PCDHA10: variants seen among roughly 807,000 people sequenced by gnomAD.
PCDHA10 encodes protocadherin alpha 10.
Under a neutral mutation model 61.2 loss-of-function variants are expected in PCDHA10, and 45 were observed. The ratio of observed to expected loss-of-function variants is 0.74; its 90% CI spans 0.58 to 0.94. PCDHA10 has a LOEUF of 0.94. Among genes scored for constraint, PCDHA10 ranks in the 40% least tolerant of loss-of-function variants. The probability of loss-of-function intolerance (pLI) is 0.00; values close to 1 mark genes in which losing one functional copy is unlikely to be tolerated. For missense variants in PCDHA10, 1,278 were observed against 1,236.2 expected (o/e 1.03, Z -0.51); for synonymous variants, 602 against 548.8 (o/e 1.10, Z -1.35).
Position 140,974,282 on chromosome 5 carries a change from T to C in PCDHA10, c.2389-4667T>C, listed in dbSNP as rs115449410. Among the ~76,000 whole-genome samples, 1,252 of 152,332 alleles carry C rather than the reference T, an allele frequency of 8.2e-3. 23 individuals carry two copies. The highest frequency in any genetic ancestry group is 0.028 in the African/African-American group (1,180 of 41,572). ...TTCTGGCCTTCCAGGGTCAGAACTC[T>C]GGGCTCCAAGGAGGTACAACTGTGA... On this transcript the variant is annotated intron_variant, in intron 1 of 3. Coordinates refer to ENST00000307360, the MANE Select transcript of PCDHA10 (RefSeq NM_018901.4).
At position 140,858,879 on chromosome 5, in the gene PCDHA10, CATGTGTAGAAT is replaced by C. The variant is rs2045639159; in HGVS notation, c.2388+452_2388+462del. On this transcript the variant is annotated intron_variant, in intron 1 of 3. Transcript: ENST00000307360. ...TCTTCAGTGAAAATGTGTTTTCCTC[CATGTGTAGAAT>C]ATGTGTAGCGTACCACAGCTTATAC... 2.9e-5 allele frequency: 7 copies of C among 243,802 alleles called. No homozygotes were observed. In the South Asian group the frequency reaches 3.1e-4, roughly 11 times the overall value. The allele number at this position is 243,802 out of a possible 1,614,324, so 15.1% of individuals were successfully genotyped here. A position where few individuals can be genotyped will look rare whatever the true frequency, so the allele number is the denominator to read the frequency against.
chr5:140,923,396 T>C (rs2081343835), intron 1 of PCDHA10, among the ~76,000 whole-genome samples: 1 of 152,058 alleles, frequency 6.6e-6, no homozygotes, highest in Non-Finnish European at 1.5e-5. Context: ...GGCATGGTGG[T>C]GTGTGCCTAT....
At chr5:140,876,209 G>A in intron 1 of PCDHA10, 1 of 1,613,924 alleles carries the variant, frequency 6.2e-7, no homozygotes. Flanking sequence ...GATAAGCCCA[G>A]CTATAAAGTA....
At chr5:140,880,214 A>C (rs2058267657) in intron 1 of PCDHA10, among the ~76,000 whole-genome samples, 1 of 152,224 alleles carries the variant, frequency 6.6e-6, no homozygotes, top group African/African-American at 2.4e-5. Flanking sequence ...TTCCACCAGA[A>C]GTAGAACATT....
chr5:140,909,249 G>A (rs1180498257), intron 1 of PCDHA10, among the ~76,000 whole-genome samples: 1 of 152,196 alleles, frequency 6.6e-6, no homozygotes, highest in Non-Finnish European at 1.5e-5. Flanking sequence ...TATATTGCTG[G>A]CCTTGCTGAC....
At chr5:140,905,990 G>A (rs569951946) in intron 1 of PCDHA10, among the ~76,000 whole-genome samples, 5 of 152,280 alleles carry the variant, frequency 3.3e-5, no homozygotes, top group Admixed American at 1.3e-4. Flanking sequence ...GAAAGATGTA[G>A]GCTGGGAGGC....
chr5:140,896,615 G>A (rs1293256212), intron 1 of PCDHA10, among the ~76,000 whole-genome samples: 4 of 151,782 alleles, frequency 2.6e-5, no homozygotes, highest in African/African-American at 9.7e-5. Context: ...GGTCTTAAGT[G>A]ATCCACCTGC....
chr5:140,875,176 A>G, intron 1 of PCDHA10: 1 of 397,444 alleles, frequency 2.5e-6, no homozygotes, highest in Non-Finnish European at 4.2e-6. Context: ...TCGAAACATT[A>G]GAATTAAGAG....
intron 1 of PCDHA10, chr5:140,877,976 C>T: frequency 8.0e-7 from 1 of 1,255,054 alleles, no homozygotes. Flanking sequence ...GTCATTCTTA[C>T]TCATTTTGAA....
intron 1 of PCDHA10, among the ~76,000 whole-genome samples, chr5:140,955,475 C>T (rs246017): frequency 0.56 from 85,566 of 151,816 alleles, 24,719 homozygotes; most frequent in African/African-American, 0.69. Context: ...TGCTTGGCAC[C>T]TCTCCTTCCT....
In PCDHA10 at chr5:140,950,041, A is replaced by G. The variant is rs139296187; in HGVS notation, c.2389-28908A>G. Among the ~76,000 whole-genome samples, 1,151 of 152,070 alleles carry G rather than the reference A, an allele frequency of 7.6e-3. 13 individuals carry two copies. The highest frequency in any genetic ancestry group is 0.01 in the Non-Finnish European group (711 of 67,812). On this transcript the variant is annotated intron_variant, in intron 1 of 3. Transcript: ENST00000307360. ...CATAAAATATAGAAAAGTTACAACC[A>G]TATAAGACTATTTAGCTCTTCCTGT... is the stretch of plus-strand genomic sequence containing the variant.
chr5:140,939,311 C>A (rs972598257), intron 1 of PCDHA10, among the ~76,000 whole-genome samples: 1 of 152,130 alleles, frequency 6.6e-6, no homozygotes, highest in African/African-American at 2.4e-5. Flanking sequence ...AAAGCCCTAC[C>A]TCCTAATATC....
Position 140,857,139 on chromosome 5 carries a change from T to A in PCDHA10, c.1091T>A (p.Val364Glu), listed in dbSNP as rs1554149566. ...LSLPVKEDAQ[V>E]GTVIALISVS... Reference sequence around the variant, plus strand: ...CTCCCAGTGAAAGAAGATGCTCAAGTGGGCACCGTCATTGCCCTAATCAGC... The same window carrying A: ...CTCCCAGTGAAAGAAGATGCTCAAGAGGGCACCGTCATTGCCCTAATCAGC... The change falls in exon 1 of 4, where the codon GTG (valine) becomes GAG (glutamate). Residue 364 changes from valine to glutamate, a missense_variant. Val to Glu is a moderately radical substitution (Grantham distance 121). Transcript: ENST00000307360. 6.3e-7 allele frequency: 1 copy of A among 1,598,268 alleles called. No homozygotes were observed. The highest frequency in any genetic ancestry group is 1.1e-5 in the South Asian group (1 of 90,540).
chr5:140,871,272 G>A, intron 1 of PCDHA10: 2 of 1,613,942 alleles, frequency 1.2e-6, no homozygotes, highest in South Asian at 2.2e-5. Flanking sequence ...TGTGGTGGTC[G>A]GCAACGCCCA....
In PCDHA10 at chr5:140,978,987, C is replaced by T; in HGVS notation, c.2427C>T (p.Ser809=). 4 of 1,614,162 alleles carry T rather than the reference C, an allele frequency of 2.5e-6. No homozygotes were observed. In the South Asian group the frequency reaches 3.3e-5, roughly 13 times the overall value. The change falls in exon 2 of 4, where the codon TCC becomes TCT. Residue 809 remains serine (S), a synonymous_variant. Transcript: ENST00000307360. ...QPNPDWRYSA[S]LRAGMHSSVH... ...ACCCTGACTGGCGTTACTCTGCCTC[C>T]CTGAGAGCAGGCATGCACAGGTATG...
intron 3 of PCDHA10, among the ~76,000 whole-genome samples, chr5:140,994,613 G>A (rs1452021453): frequency 2.0e-5 from 3 of 152,082 alleles, no homozygotes; most frequent in Admixed American, 6.5e-5. Flanking sequence ...GCTGAGGCAC[G>A]AGAGTCACTT....
intron 3 of PCDHA10, among the ~76,000 whole-genome samples, chr5:140,983,431 G>T (rs947907651): frequency 5.3e-5 from 8 of 152,198 alleles, no homozygotes; most frequent in African/African-American, 1.9e-4. Flanking sequence ...ACCACAAATT[G>T]TGTCTACTCT....
intron 1 of PCDHA10, among the ~76,000 whole-genome samples, chr5:140,897,728 A>G (rs1554187548): frequency 6.6e-6 from 1 of 152,092 alleles, no homozygotes; most frequent in Non-Finnish European, 1.5e-5. Flanking sequence ...TGGGTCAAAT[A>G]GTATTTCTAG....
At chr5:140,877,136 T>C (rs782812769) in intron 1 of PCDHA10, 2 of 1,613,760 alleles carry the variant, frequency 1.2e-6, no homozygotes, top group Non-Finnish European at 1.7e-6. Context: ...CAGGTGTTCG[T>C]GCTGGACGAG....
Sources: gnomAD v4.1 joint callset for allele counts (sites outside exome capture counted in the v4.1 genomes callset) on GRCh38, gnomAD v4.1.1 for gene constraint, MANE v1.5 for transcripts, NCBI Gene and HGNC (gene_info 2026-07-23, HGNC 2026-07-21) for gene names.